LGR4: variants seen among roughly 807,000 people sequenced by gnomAD.
The protein encoded by LGR4 is leucine rich repeat containing G protein-coupled receptor 4, also known as leucine-rich repeat-containing G protein-coupled receptor 4.
Under a neutral mutation model 84.8 loss-of-function variants are expected in LGR4, and 44 were observed. That is an observed-to-expected ratio of 0.52 (90% CI 0.41 to 0.67). The LOEUF is 0.67. LGR4 is among the 30% of genes least tolerant of loss of function. The pLI, the probability that LGR4 is intolerant of heterozygous loss-of-function variation, is 0.00. For missense variants in LGR4, 1,032 were observed against 1,131.4 expected, an observed-to-expected ratio of 0.91 and a Z score of 1.26; for synonymous variants, 429 against 434.3, an observed-to-expected ratio of 0.99 and a Z score of 0.15.
At chr11:27,406,118 C>A (rs1005372201) in intron 2 of LGR4, among the ~76,000 whole-genome samples, 1 of 152,160 alleles carries the variant, frequency 6.6e-6, no homozygotes, top group Admixed American at 6.6e-5. Context: ...TGCTCCTCTG[C>A]AGGTCTTTGT....
At position 27,472,667 on chromosome 11, in the gene LGR4, C is replaced by T; in HGVS notation, c.-365G>A. The T allele has an allele frequency of 2.8e-6, 1 of 358,584 alleles. No homozygotes were observed. The highest frequency in any genetic ancestry group is 5.0e-6 in the Non-Finnish European group (1 of 200,588). 22.2% of individuals were successfully genotyped at this position (358,584 alleles called of 1,614,324 possible). On this transcript the variant is annotated 5_prime_UTR_variant, in exon 1 of 18. It removes an upstream start codon present in the reference 5' UTR. Coordinates refer to ENST00000379214, the MANE Select transcript of LGR4 (RefSeq NM_018490.5). ...AAGGTTGCAGAGCGCAGCCTTCAGC[C>T]ATGCCGGCCACTCGCCCCAGCCCCC...
At position 27,407,979 on chromosome 11, in the gene LGR4, A is replaced by C. The variant is rs149383865; in HGVS notation, c.257+4810T>G. Among the ~76,000 whole-genome samples, 13 of 152,256 alleles carry C rather than the reference A, an allele frequency of 8.5e-5. No individual in the cohort carries two copies. The East Asian group carries it at 2.5e-3, about 29-fold the overall frequency. On this transcript the variant is annotated intron_variant, in intron 2 of 17. Transcript: ENST00000379214. ...AGGGTATATGAAAAATTATGCTTGC[A>C]ATATTTTGAAAGTCTGAAATTACCT... is the stretch of plus-strand genomic sequence containing the variant.
intron 1 of LGR4, among the ~76,000 whole-genome samples, chr11:27,430,191 G>T (rs1864092897): frequency 6.6e-6 from 1 of 151,944 alleles, no homozygotes; most frequent in African/African-American, 2.4e-5. Context: ...TTAATTCAAA[G>T]ACACCATCAC....
In LGR4 at chr11:27,368,373, A is replaced by T; in HGVS notation, c.2350T>A (p.Ser784Thr). ...AISISPEIMK[S>T]VTLIFFPLPA... ...AATGGAAAAAATATCAGAGTAACAG[A>T]CTTCATTATTTCGGGGCTGATAGAG... Residue 784 changes from serine to threonine, a missense_variant, in exon 18 of 18, where the codon TCT (serine) becomes ACT (threonine). Ser to Thr is a moderately conservative substitution (Grantham distance 58). Coordinates refer to ENST00000379214, the MANE Select transcript of LGR4 (RefSeq NM_018490.5). 1 of 1,614,210 alleles carries T rather than the reference A, an allele frequency of 6.2e-7. No homozygotes were observed. Among genetic ancestry groups the T allele is most frequent in the Non-Finnish European group, 8.5e-7 (1 of 1,180,038 alleles).
chr11:27,402,201 A>G (rs1275964919), intron 2 of LGR4, among the ~76,000 whole-genome samples: 1 of 152,124 alleles, frequency 6.6e-6, no homozygotes, highest in East Asian at 1.9e-4. Flanking sequence ...CCATTCCAGT[A>G]ATTGGTTTAG....
At chr11:27,384,484 T>C in intron 5 of LGR4, 77 bp from the exon 6 acceptor site, 1 of 1,019,458 alleles carries the variant, frequency 9.8e-7, no homozygotes, top group Non-Finnish European at 1.5e-6. Flanking sequence ...TATGTCTGAG[T>C]TGGTGTGTAA....
At chr11:27,433,740 G>T (rs547902248) in intron 1 of LGR4, among the ~76,000 whole-genome samples, 2 of 152,272 alleles carry the variant, frequency 1.3e-5, no homozygotes, top group South Asian at 4.1e-4. Context: ...TTTGCTTTAT[G>T]CTTCTCTCAT....
chr11:27,411,060 T>A (rs901552706), intron 2 of LGR4, among the ~76,000 whole-genome samples: 1 of 152,146 alleles, frequency 6.6e-6, no homozygotes, highest in Non-Finnish European at 1.5e-5. Context: ...TCAACGAAGA[T>A]GGTGTGCACA....
At chr11:27,410,027 A>T (rs986168964) in intron 2 of LGR4, among the ~76,000 whole-genome samples, 1 of 152,190 alleles carries the variant, frequency 6.6e-6, no homozygotes, top group Non-Finnish European at 1.5e-5. Flanking sequence ...TGTCTAATAT[A>T]GTAGCAACCA....
intron 1 of LGR4, among the ~76,000 whole-genome samples, chr11:27,444,772 T>C (rs1391443049): frequency 1.3e-5 from 2 of 152,230 alleles, no homozygotes; most frequent in African/African-American, 4.8e-5. Context: ...CTCTGAAATA[T>C]AATCTTTCCG....
intron 2 of LGR4, among the ~76,000 whole-genome samples, chr11:27,401,573 C>T (rs182957227): frequency 3.8e-4 from 58 of 152,272 alleles, no homozygotes; most frequent in African/African-American, 1.4e-3. Context: ...GTTTTTACTA[C>T]AGGCTAAGTA....
intron 10 of LGR4, 47 bp downstream of exon 10, chr11:27,380,224 C>G: frequency 8.3e-7 from 1 of 1,204,050 alleles, no homozygotes; most frequent in South Asian, 1.3e-5. Context: ...GCTAGCAGTC[C>G]AGTAGTGTTA....
At chr11:27,459,840 C>T (rs192126146) in intron 1 of LGR4, among the ~76,000 whole-genome samples, 4 of 151,796 alleles carry the variant, frequency 2.6e-5, no homozygotes, top group Non-Finnish European at 5.9e-5. Context: ...CCTGTAATCC[C>T]AGTACTTTGA....
intron 2 of LGR4, among the ~76,000 whole-genome samples, chr11:27,400,404 C>T (rs370694010): frequency 2.0e-4 from 31 of 152,012 alleles, no homozygotes; most frequent in African/African-American, 7.2e-4. Context: ...TCTCCAAAGA[C>T]CTACAGCACC....
At chr11:27,459,259 TTCTG>T (rs1864631501) in intron 1 of LGR4, among the ~76,000 whole-genome samples, 1 of 152,168 alleles carries the variant, frequency 6.6e-6, no homozygotes, top group Non-Finnish European at 1.5e-5. Context: ...AATCATCAAC[TTCTG>T]TCTGTCAAAA....
intron 1 of LGR4, among the ~76,000 whole-genome samples, chr11:27,416,587 A>G (rs1206753827): frequency 6.6e-6 from 1 of 152,158 alleles, no homozygotes; most frequent in African/African-American, 2.4e-5. Context: ...GAAGACACTA[A>G]ATGTTGCAGA....
intron 2 of LGR4, among the ~76,000 whole-genome samples, chr11:27,410,010 T>G (rs1206306071): frequency 8.5e-5 from 13 of 152,186 alleles, no homozygotes; most frequent in Non-Finnish European, 5.9e-5. Flanking sequence ...ATGATCCACA[T>G]CTGCACTGTC....
chr11:27,391,148 TG>T lies in LGR4; in HGVS notation c.346del (p.Gln116SerfsTer2). The T allele has an allele frequency of 6.2e-7, 1 of 1,606,424 alleles. No individual in the cohort carries two copies. The highest frequency in any genetic ancestry group is 1.7e-5 in the Admixed American group (1 of 59,186). On this transcript the variant is annotated frameshift_variant, in exon 4 of 18. Transcript: ENST00000379214. LOFTEE classifies it high-confidence loss of function. ...ELKVLTLQNN[Q>X]LKTVPSEAIR... Reference sequence around the variant, plus strand: ...GGCTTCACTGGGTACTGTTTTCAACTGATTATTCTGGAGCGTTCTGAAAGAA... The same window carrying T: ...GGCTTCACTGGGTACTGTTTTCAACTATTATTCTGGAGCGTTCTGAAAGAA...
At chr11:27,449,351 G>C (rs1864443862) in intron 1 of LGR4, among the ~76,000 whole-genome samples, 1 of 152,178 alleles carries the variant, frequency 6.6e-6, no homozygotes. Flanking sequence ...AGGAGGCCGA[G>C]GTAAGATGAT....
Sources: gnomAD v4.1 joint callset for allele counts (sites outside exome capture counted in the v4.1 genomes callset) on GRCh38, gnomAD v4.1.1 for gene constraint, MANE v1.5 for transcripts, NCBI Gene and HGNC (gene_info 2026-07-23, HGNC 2026-07-21) for gene names.